The following DOCK3 variants were observed in gnomAD, a reference collection of about 807,000 sequenced individuals.
DOCK3 encodes dedicator of cytokinesis protein 3.
In DOCK3, 60 loss-of-function variants were observed where a neutral mutation model predicts 265.6. The observed-to-expected ratio is 0.23, with a 90% CI of 0.18 to 0.28. DOCK3 has a LOEUF of 0.28. Among genes scored for constraint, DOCK3 ranks in the 10% least tolerant of loss-of-function variants. The pLI, the probability that DOCK3 is intolerant of heterozygous loss-of-function variation, is 1.00. For missense variants in DOCK3, 1,981 were observed against 2,594.3 expected, an observed-to-expected ratio of 0.76 and a Z score of 5.14; for synonymous variants, 881 against 938.0, an observed-to-expected ratio of 0.94 and a Z score of 1.11.
intron 12 of DOCK3, among the ~76,000 whole-genome samples, chr3:51,193,595 GC>G (rs1418221685): frequency 6.6e-6 from 1 of 151,930 alleles, no homozygotes; most frequent in African/African-American, 2.4e-5. Flanking sequence ...ATCTTGCTAT[GC>G]ATTATTGGTC....
At chr3:50,988,884 G>T (rs1033657506) in intron 5 of DOCK3, among the ~76,000 whole-genome samples, 1 of 152,164 alleles carries the variant, frequency 6.6e-6, no homozygotes, top group African/African-American at 2.4e-5. Flanking sequence ...TATCAAGCGA[G>T]TGGCAACTTG....
chr3:50,774,227 T>A (rs1043440423), intron 1 of DOCK3, among the ~76,000 whole-genome samples: 8 of 152,024 alleles, frequency 5.3e-5, no homozygotes, highest in Admixed American at 2.0e-4. Flanking sequence ...TTATACACAT[T>A]TCAGAATCAG....
chr3:51,091,489 C>T (rs535257739), intron 9 of DOCK3, among the ~76,000 whole-genome samples: 3 of 152,190 alleles, frequency 2.0e-5, no homozygotes, highest in African/African-American at 7.2e-5. Context: ...TGAGACCAGC[C>T]TGACCAACAT....
Position 51,354,864 on chromosome 3 carries a change from C to T in DOCK3, c.4108-18C>T, listed in dbSNP as rs1020960564. The T allele has an allele frequency of 1.2e-6, 2 of 1,611,604 alleles. No individual in the cohort carries two copies. The highest frequency in any genetic ancestry group is 3.3e-5 in the Admixed American group (2 of 59,896). Reference sequence around the variant, plus strand: ...ACAAGCAAAGCATACATAGAGTGTGCTCTTCTGTTTGTGGCAGAACAAAGA... The same window carrying T: ...ACAAGCAAAGCATACATAGAGTGTGTTCTTCTGTTTGTGGCAGAACAAAGA... On this transcript the variant is annotated intron_variant, in intron 40 of 52. Coordinates refer to ENST00000266037, the MANE Select transcript of DOCK3 (RefSeq NM_004947.5).
chr3:51,169,551 A>G (rs890095774), intron 12 of DOCK3, among the ~76,000 whole-genome samples: 1 of 152,180 alleles, frequency 6.6e-6, no homozygotes, highest in African/African-American at 2.4e-5. Flanking sequence ...ACACATGGAC[A>G]CAAAGAGGGG....
chr3:51,256,970 A>T (rs569557907), intron 22 of DOCK3, among the ~76,000 whole-genome samples: 2 of 152,342 alleles, frequency 1.3e-5, no homozygotes, highest in African/African-American at 4.8e-5. Flanking sequence ...GCTAGACCGG[A>T]TGTAGAAGAT....
At chr3:51,277,578 A>G (rs1654072193) in intron 25 of DOCK3, 30 bp from the exon 26 acceptor site, 2 of 1,507,032 alleles carry the variant, frequency 1.3e-6, no homozygotes, top group East Asian at 4.8e-5. Context: ...GCTTGCTGCT[A>G]ATGGTGTGCT....
At chr3:50,993,310 T>G (rs954755016) in intron 5 of DOCK3, among the ~76,000 whole-genome samples, 2 of 152,204 alleles carry the variant, frequency 1.3e-5, no homozygotes, top group Non-Finnish European at 2.9e-5. Context: ...TTTTCTGGGT[T>G]TTTGCCTTTT....
chr3:51,243,369 C>CTTCTTAATA (rs1317108755), intron 21 of DOCK3, among the ~76,000 whole-genome samples: 1 of 152,076 alleles, frequency 6.6e-6, no homozygotes, highest in African/African-American at 2.4e-5. Context: ...GAGCAAGTTG[C>CTTCTTAATA]TTCTTAATAG....
intron 10 of DOCK3, among the ~76,000 whole-genome samples, chr3:51,152,122 T>C (rs1049317647): frequency 2.6e-5 from 4 of 152,222 alleles, no homozygotes; most frequent in Admixed American, 6.5e-5. Context: ...CCCGTCACTT[T>C]CAGGTACACC....
intron 49 of DOCK3, among the ~76,000 whole-genome samples, chr3:51,365,250 C>T (rs376020454): frequency 2.0e-5 from 3 of 152,148 alleles, no homozygotes; most frequent in East Asian, 3.9e-4. Context: ...TTGAAGCAAT[C>T]GTGAATGGGA....
intron 1 of DOCK3, among the ~76,000 whole-genome samples, chr3:50,766,266 TC>T (rs1385756456): frequency 6.6e-5 from 6 of 91,500 alleles, no homozygotes; most frequent in Non-Finnish European, 1.3e-4. Context: ...ATGCTATCCC[TC>T]CCCCCTCCCC....
chr3:51,283,598 A>G (rs1292214331), intron 27 of DOCK3, among the ~76,000 whole-genome samples: 1 of 152,200 alleles, frequency 6.6e-6, no homozygotes, highest in Non-Finnish European at 1.5e-5. Context: ...GGGGAGTTAA[A>G]GGAGCAGACA....
At chr3:50,814,752 T>A (rs185937405) in intron 2 of DOCK3, among the ~76,000 whole-genome samples, 1 of 152,336 alleles carries the variant, frequency 6.6e-6, no homozygotes, top group East Asian at 1.9e-4. Context: ...TCAAATTTTT[T>A]TAGTTTTTTG....
intron 32 of DOCK3, among the ~76,000 whole-genome samples, chr3:51,321,381 C>T (rs1363766909): frequency 6.6e-6 from 1 of 152,136 alleles, no homozygotes; most frequent in African/African-American, 2.4e-5. Flanking sequence ...GAAAACACTG[C>T]AAAAAGGATG....
At chr3:50,998,724 A>G (rs2078367978) in intron 5 of DOCK3, among the ~76,000 whole-genome samples, 1 of 152,226 alleles carries the variant, frequency 6.6e-6, no homozygotes, top group African/African-American at 2.4e-5. Flanking sequence ...AACAATGTAA[A>G]TATTATGTTA....
chr3:51,227,361 C>T lies in DOCK3; in HGVS notation c.1456C>T (p.Arg486Cys), dbSNP rs755502230. The stretch of plus-strand genomic sequence containing the variant: ...TGTCCTCTACCACAGTAATAGTCCT[C>T]GCTGGGGAGAAATTATCAAATTGCC... ...SFVLYHSNSPRWGEIIKLPIP... is the reference protein window; with the variant it reads ...SFVLYHSNSPCWGEIIKLPIP... The change falls in exon 16 of 53, where the codon CGC becomes TGC. Residue 486 changes from arginine (R) to cysteine (C), a missense_variant. Arg to Cys is a radical substitution (Grantham distance 180). This residue lies in a region of DOCK3 where 1,357 missense variants were observed against 1,866.8 expected (regional missense o/e 0.73). Coordinates refer to ENST00000266037, the MANE Select transcript of DOCK3 (RefSeq NM_004947.5). 17 of 1,613,938 alleles carry T rather than the reference C, an allele frequency of 1.1e-5. No individual in the cohort carries two copies. Among genetic ancestry groups the T allele is most frequent in the Non-Finnish European group, 1.4e-5 (17 of 1,179,872 alleles).
chr3:50,819,288 G>A (rs1489123434), intron 2 of DOCK3, among the ~76,000 whole-genome samples: 1 of 152,068 alleles, frequency 6.6e-6, no homozygotes, highest in East Asian at 1.9e-4. Context: ...ATTTGACTTA[G>A]CTGCCTATTC....
At chr3:50,856,146 A>C (rs2046587371) in intron 3 of DOCK3, among the ~76,000 whole-genome samples, 1 of 152,170 alleles carries the variant, frequency 6.6e-6, no homozygotes, top group African/African-American at 2.4e-5. Flanking sequence ...TGCATTGAAC[A>C]CGTGTGGTTG....
Sources: allele counts gnomAD v4.1 joint callset (sites outside exome capture counted in the v4.1 genomes callset), GRCh38; gene constraint gnomAD v4.1.1; regional missense constraint gnomAD v4.1.1; transcripts MANE v1.5; gene names NCBI Gene and HGNC (gene_info 2026-07-23, HGNC 2026-07-21).